Variants in CRACR2A observed in about 807,000 individuals in gnomAD.
CRACR2A encodes EF-hand calcium-binding domain-containing protein 4B.
Under a neutral mutation model 90.5 loss-of-function variants are expected in CRACR2A, and 79 were observed. The observed-to-expected ratio is 0.87, with a 90% CI of 0.73 to 1.05. The LOEUF is 1.05. Ranked by LOEUF, CRACR2A falls within the 50% of genes least tolerant of loss-of-function variation. The pLI is 0.00. For synonymous variants in CRACR2A, 338 were observed against 356.7 expected (o/e 0.95, Z 0.59); for missense variants, 823 against 897.2 (o/e 0.92, Z 1.06).
rs891711166 is a variant in CRACR2A, at chr12:3,627,607, C to G, written c.1817+18G>C. 4 of 1,551,712 alleles carry G rather than the reference C, an allele frequency of 2.6e-6. No homozygotes were observed. Among genetic ancestry groups the G allele is most frequent in the Non-Finnish European group, 3.5e-6 (4 of 1,146,976 alleles). On this transcript the variant is annotated intron_variant, in intron 16 of 19. Transcript: ENST00000440314. ...ACGGCCTTCCCTCTGGAGCCCAGAA[C>G]TTCGGGCAGCTCCTCACCTCTCCTG...
At chr12:3,661,959 C>G (rs1945047345) in intron 7 of CRACR2A, among the ~76,000 whole-genome samples, 1 of 152,202 alleles carries the variant, frequency 6.6e-6, no homozygotes, top group African/African-American at 2.4e-5. Context: ...TAACTTTGAT[C>G]TACTTTTTAT....
In CRACR2A at chr12:3,675,485, C is replaced by A. The variant is rs190452757; in HGVS notation, c.525-1893G>T. 2.6e-4 allele frequency among the ~76,000 whole-genome samples: 40 copies of A among 152,300 alleles called. 1 individual carries two copies. The South Asian group carries it at 8.1e-3, about 31-fold the overall frequency. ...GAAGGCAGAGCCCTCACAAATGGGA[C>A]TAGTGCCATTGACACTGTGTTCTAT... is the stretch of plus-strand genomic sequence containing the variant. On this transcript the variant is annotated intron_variant, in intron 6 of 19. Coordinates refer to ENST00000440314, the MANE Select transcript of CRACR2A (RefSeq NM_001144958.2).
intron 3 of CRACR2A, among the ~76,000 whole-genome samples, chr12:3,710,791 C>CAAAA (rs902683230): frequency 8.6e-6 from 1 of 115,772 alleles, no homozygotes; most frequent in Non-Finnish European, 1.8e-5. Context: ...GGCTCCACCG[C>CAAAA]AAAAAAAAAA....
rs1355282013 is a variant in CRACR2A at position 3,619,349 on chromosome 12, A to G, written c.1956T>C (p.Pro652=). The part of the protein sequence containing the change: ...SVEEAVGDRV[P]VLLLGNKLDN... ...CAAGCTTATTACCCAGCAGAAGAAC[A>G]GGCACCCGGTCTCCCACAGCTTCCT... The change falls in exon 18 of 20, where the codon CCT becomes CCC. Residue 652 remains proline, a synonymous_variant. Transcript: ENST00000440314. 6.4e-7 allele frequency: 1 copy of G among 1,551,552 alleles called. No individual in the cohort carries two copies. The highest frequency in any genetic ancestry group is 1.4e-5 in the African/African-American group (1 of 73,050).
chr12:3,618,359 C>G lies in CRACR2A; in HGVS notation c.2034+912G>C, dbSNP rs4765743. Among the ~76,000 whole-genome samples the G allele has an allele frequency of 2.0e-5, 3 of 152,112 alleles. No individual in the cohort carries two copies. The East Asian group carries it at 5.8e-4, about 29-fold the overall frequency. The stretch of plus-strand genomic sequence containing the variant: ...ACTATTTCTTCAGTGAAACCTTTGA[C>G]TATTCACTCAAAGTGAGGTTACAAC... On this transcript the variant is annotated intron_variant, in intron 18 of 19. Coordinates refer to ENST00000440314, the MANE Select transcript of CRACR2A (RefSeq NM_001144958.2).
chr12:3,643,307 T>C (rs539094813), intron 12 of CRACR2A, among the ~76,000 whole-genome samples: 1 of 152,168 alleles, frequency 6.6e-6, no homozygotes, highest in East Asian at 1.9e-4. Flanking sequence ...GGCAAACCAA[T>C]TGCCTTCTGC....
chr12:3,748,877 G>A (rs1185810342), intron 1 of CRACR2A, among the ~76,000 whole-genome samples: 4 of 152,190 alleles, frequency 2.6e-5, no homozygotes, highest in African/African-American at 9.7e-5. Flanking sequence ...TTGACCAGTT[G>A]GAGCAGCTGT....
intron 10 of CRACR2A, among the ~76,000 whole-genome samples, chr12:3,653,807 G>A (rs1302760579): frequency 2.0e-5 from 3 of 152,236 alleles, no homozygotes; most frequent in Middle Eastern, 3.4e-3. Context: ...GTCTCTACAC[G>A]ACCACAGTCA....
At chr12:3,620,218 A>G (rs1480601946) in intron 17 of CRACR2A, among the ~76,000 whole-genome samples, 1 of 152,276 alleles carries the variant, frequency 6.6e-6, no homozygotes, top group African/African-American at 2.4e-5. Flanking sequence ...ACCGACTGCC[A>G]TTCAGTGAGT....
At chr12:3,651,644 C>G (rs2137444833) in intron 10 of CRACR2A, among the ~76,000 whole-genome samples, 1 of 152,268 alleles carries the variant, frequency 6.6e-6, no homozygotes, top group Non-Finnish European at 1.5e-5. Context: ...GTTCAGAATT[C>G]TTGCTGATCA....
intron 1 of CRACR2A, among the ~76,000 whole-genome samples, chr12:3,743,139 C>T (rs1164102415): frequency 6.6e-6 from 1 of 152,186 alleles, no homozygotes; most frequent in Non-Finnish European, 1.5e-5. Context: ...CATTCTATTT[C>T]AAACTTCTGT....
At chr12:3,730,095 A>G (rs376400229) in intron 2 of CRACR2A, 1 of 152,192 alleles carries the variant, frequency 6.6e-6, no homozygotes. Context: ...CAGAAGATTA[A>G]CAGAAATGGG....
chr12:3,649,199 G>A (rs1365939938), intron 10 of CRACR2A, among the ~76,000 whole-genome samples: 1 of 151,644 alleles, frequency 6.6e-6, no homozygotes, highest in Non-Finnish European at 1.5e-5. Context: ...CCTGCACGTT[G>A]TGCACATGTA....
At chr12:3,672,570 T>A (rs1268135831) in intron 7 of CRACR2A, among the ~76,000 whole-genome samples, 2 of 152,328 alleles carry the variant, frequency 1.3e-5, no homozygotes, top group East Asian at 3.9e-4. Context: ...TTATGAACCA[T>A]CCCTAGTCAT....
intron 7 of CRACR2A, 136 bp downstream of exon 7, chr12:3,673,310 G>A: frequency 9.7e-7 from 1 of 1,029,174 alleles, no homozygotes; most frequent in Non-Finnish European, 1.4e-6. Context: ...ACAGACACAG[G>A]GCCTGGTCCC....
At chr12:3,710,185 G>A (rs917333918) in intron 3 of CRACR2A, among the ~76,000 whole-genome samples, 6 of 152,170 alleles carry the variant, frequency 3.9e-5, no homozygotes, top group Admixed American at 1.3e-4. Context: ...CTCCTACCAC[G>A]TTCACTTCCT....
chr12:3,748,658 T>A (rs117782464), intron 1 of CRACR2A, among the ~76,000 whole-genome samples: 49 of 152,106 alleles, frequency 3.2e-4, no homozygotes, highest in Admixed American at 7.9e-4. Flanking sequence ...CTTCAAGAGG[T>A]CCTTCCTGTA....
intron 1 of CRACR2A, among the ~76,000 whole-genome samples, chr12:3,745,251 CT>C (rs1946592124): frequency 6.6e-6 from 1 of 152,162 alleles, no homozygotes; most frequent in Admixed American, 6.5e-5. Flanking sequence ...ACTGAAAGAT[CT>C]AGAGGTTCTT....
intron 1 of CRACR2A, among the ~76,000 whole-genome samples, chr12:3,750,233 C>T (rs937487957): frequency 1.5e-4 from 19 of 128,914 alleles, no homozygotes; most frequent in African/African-American, 6.4e-4. Context: ...CCAAGCCTGG[C>T]CCCCAGGGCT....
Sources: gnomAD v4.1 joint callset for allele counts (sites outside exome capture counted in the v4.1 genomes callset) on GRCh38, gnomAD v4.1.1 for gene constraint, MANE v1.5 for transcripts, NCBI Gene and HGNC (gene_info 2026-07-23, HGNC 2026-07-21) for gene names.